Variants in GCN1 observed in about 807,000 individuals in gnomAD.
GCN1 encodes the protein stalled ribosome sensor GCN1.
GCN1 carries 90 observed loss-of-function variants against 288.4 expected under a neutral mutation model. That is an observed-to-expected ratio of 0.31 (90% CI 0.26 to 0.37). GCN1 has a LOEUF of 0.37. GCN1 is among the 10% of genes least tolerant of loss of function. The probability of loss-of-function intolerance (pLI) is 1.00; values close to 1 mark genes in which losing one functional copy is unlikely to be tolerated. For missense variants in GCN1, 2,586 were observed against 3,419.9 expected (o/e 0.76, Z 6.08); for synonymous variants, 1,386 against 1,420.2 (o/e 0.98, Z 0.54).
chr12:120,193,002 C>T (rs925136936), intron 1 of GCN1, among the ~76,000 whole-genome samples: 5 of 152,056 alleles, frequency 3.3e-5, no homozygotes, highest in Admixed American at 2.6e-4. Context: ...TGCCATTGCA[C>T]TCCAGCCTGG....
At position 120,144,287 on chromosome 12, in the gene GCN1, T is replaced by C; in HGVS notation, c.5495+19A>G. 8 of 1,614,022 alleles carry C rather than the reference T, an allele frequency of 5.0e-6. No individual in the cohort carries two copies. Among genetic ancestry groups the C allele is most frequent in the Non-Finnish European group, 6.8e-6 (8 of 1,179,846 alleles). ...CACCACGCATCATCCCCACTGGGTCTTTCTGCCCAAGTTCTCACCTGATTC... is the reference window on the plus strand; with the variant it reads ...CACCACGCATCATCCCCACTGGGTCCTTCTGCCCAAGTTCTCACCTGATTC... On this transcript the variant is annotated intron_variant, in intron 42 of 57. Transcript: ENST00000300648. The surrounding 1 kb of genome is among the most constrained non-coding windows in gnomAD (Gnocchi z 4.7).
rs751187223 is a variant in GCN1, at chr12:120,138,884, G to C, written c.5995-28C>G. The C allele has an allele frequency of 3.8e-6, 6 of 1,579,966 alleles. No homozygotes were observed. In the South Asian group the frequency reaches 6.8e-5, roughly 18 times the overall value. ...GCAATGGCAAGCTACAACTGTACCA[G>C]ATGCAGGAAAGGCAAAGAAGGAGCA... On this transcript the variant is annotated intron_variant, in intron 45 of 57. Transcript: ENST00000300648.
At chr12:120,179,026 G>T in intron 5 of GCN1, 76 bp from the exon 6 acceptor site, 1 of 1,222,488 alleles carries the variant, frequency 8.2e-7, no homozygotes, top group Non-Finnish European at 1.2e-6. Flanking sequence ...AGCCTGTAAA[G>T]ACCTCCATCA....
chr12:120,142,619 T>G lies in GCN1; in HGVS notation c.5717A>C (p.His1906Pro). 1 of 1,613,990 alleles carries G rather than the reference T, an allele frequency of 6.2e-7. No homozygotes were observed. The highest frequency in any genetic ancestry group is 8.5e-7 in the Non-Finnish European group (1 of 1,180,006). The change falls in exon 44 of 58, where the codon CAT becomes CCT. Residue 1906 changes from histidine (H) to proline (P), a missense_variant. His to Pro is a moderately conservative substitution (Grantham distance 77). Around this residue, in one of 8 missense-constraint regions of GCN1, gnomAD observed 437 missense variants for 570.5 expected, o/e 0.77. Transcript: ENST00000300648. The surrounding 1 kb of genome is among the most constrained non-coding windows in gnomAD (Gnocchi z 4.9). Reference protein sequence around the residue: ...TQLVVRQASLHVWKIVVSNTP... With the variant: ...TQLVVRQASLPVWKIVVSNTP... ...ATTGGAGACAACAATCTTCCAGACA[T>G]GCAGGGACGCCTGCCGCACCACCAG...
At chr12:120,166,289 G>C (rs969673494) in intron 16 of GCN1, among the ~76,000 whole-genome samples, 2 of 151,298 alleles carry the variant, frequency 1.3e-5, no homozygotes, top group African/African-American at 4.9e-5. Flanking sequence ...TGTAGTCCCA[G>C]CTACTCAAAG....
intron 57 of GCN1, among the ~76,000 whole-genome samples, chr12:120,128,864 C>T (rs1362777059): frequency 8.3e-5 from 8 of 95,864 alleles, no homozygotes; most frequent in African/African-American, 1.9e-4. Flanking sequence ...TTTTTTGAGA[C>T]GGAGTCTCAC....
In GCN1 at chr12:120,155,444, A is replaced by T; in HGVS notation, c.3441-14T>A. 1.2e-6 allele frequency: 2 copies of T among 1,611,622 alleles called. No homozygotes were observed. The highest frequency in any genetic ancestry group is 1.7e-6 in the Non-Finnish European group (2 of 1,178,456). On this transcript the variant is annotated splice_polypyrimidine_tract_variant and intron_variant, in intron 29 of 57. Transcript: ENST00000300648. The surrounding 1 kb of genome is among the most constrained non-coding windows in gnomAD (Gnocchi z 4.9). ...ATTGACCAGAGCCTGTGGGAGATCC[A>T]AGGCAGGGGCTGCTTAGACAAAGAT...
At chr12:120,186,744 G>A (rs1208236977) in intron 2 of GCN1, among the ~76,000 whole-genome samples, 2 of 152,338 alleles carry the variant, frequency 1.3e-5, no homozygotes, top group East Asian at 3.9e-4. Flanking sequence ...AACACACACT[G>A]TGAGCTTACC....
intron 15 of GCN1, chr12:120,168,549 A>C: frequency 2.4e-6 from 1 of 417,332 alleles, no homozygotes; most frequent in East Asian, 4.6e-5. Context: ...ATTCCCATCC[A>C]CCCCAGGCGC....
At chr12:120,180,176 C>A (rs989264967) in intron 5 of GCN1, among the ~76,000 whole-genome samples, 6 of 151,708 alleles carry the variant, frequency 4.0e-5, no homozygotes, top group Admixed American at 3.9e-4. Flanking sequence ...TGTGGTGGCG[C>A]ATGCCTGTAA....
At chr12:120,183,041 C>G (rs145254375) in intron 5 of GCN1, among the ~76,000 whole-genome samples, 9 of 151,746 alleles carry the variant, frequency 5.9e-5, no homozygotes, top group African/African-American at 2.2e-4. Flanking sequence ...CACCTCCCAA[C>G]CTGGTGAGCA....
intron 37 of GCN1, among the ~76,000 whole-genome samples, chr12:120,147,619 G>A (rs1877403957): frequency 1.3e-5 from 2 of 152,176 alleles, no homozygotes; most frequent in Non-Finnish European, 2.9e-5. Context: ...ATGATATAAT[G>A]TATTTGTTAA....
chr12:120,145,104 C>T lies in GCN1; in HGVS notation c.5017-43G>A, dbSNP rs1412344280. The T allele has an allele frequency of 3.1e-6, 5 of 1,612,972 alleles. No individual in the cohort carries two copies. The African/African-American group carries it at 4.0e-5, about 13-fold the overall frequency. ...GCAGAGATGGTGTGAGAAGATGAGG[C>T]TCAAAACAAGGTAGCCACATGGGAG... On this transcript the variant is annotated intron_variant, in intron 39 of 57. Transcript: ENST00000300648.
At position 120,177,759 on chromosome 12, in the gene GCN1, A is replaced by G. The variant is rs530755956; in HGVS notation, c.661-7T>C. Reference sequence around the variant, plus strand: ...AAAAGTCCAGTAGGGCGCTCTAGAGAACACAAAGCTCTGGTTAGATCCTGA... The same window carrying G: ...AAAAGTCCAGTAGGGCGCTCTAGAGGACACAAAGCTCTGGTTAGATCCTGA... On this transcript the variant is annotated splice_polypyrimidine_tract_variant and splice_region_variant and intron_variant, in intron 7 of 57. Coordinates refer to ENST00000300648, the MANE Select transcript of GCN1 (RefSeq NM_006836.2). 1 of 1,603,622 alleles carries G rather than the reference A, an allele frequency of 6.2e-7. No homozygotes were observed. Among genetic ancestry groups the G allele is most frequent in the South Asian group, 1.1e-5 (1 of 90,866 alleles).
At chr12:120,152,654 C>T (rs965883406) in intron 33 of GCN1, among the ~76,000 whole-genome samples, 4 of 138,024 alleles carry the variant, frequency 2.9e-5, no homozygotes, top group African/African-American at 1.1e-4. Flanking sequence ...CACACACACA[C>T]ACACAAAATA....
intron 36 of GCN1, 72 bp from the exon 37 acceptor site, chr12:120,148,418 A>C (rs1007043272): frequency 2.3e-6 from 3 of 1,284,010 alleles, no homozygotes; most frequent in Non-Finnish European, 3.3e-6. Flanking sequence ...TGCTGGCTAC[A>C]TGAGCAAGGG....
intron 53 of GCN1, among the ~76,000 whole-genome samples, chr12:120,133,609 GA>G (rs912729949): frequency 2.6e-5 from 4 of 152,144 alleles, no homozygotes; most frequent in Non-Finnish European, 5.9e-5. Flanking sequence ...GCACCTCTGG[GA>G]TAGGCCCTTT....
chr12:120,142,460 A>C lies in GCN1; in HGVS notation c.5829+47T>G, dbSNP rs1429401715. On this transcript the variant is annotated intron_variant, in intron 44 of 57. Coordinates refer to ENST00000300648, the MANE Select transcript of GCN1 (RefSeq NM_006836.2). The surrounding 1 kb of genome is among the most constrained non-coding windows in gnomAD (Gnocchi z 4.9). ...CAGACCCAGCCTTCTAGGCTCTGAA[A>C]GGAGGCACTGGGGCTGCTGGTCCAA... 2.8e-6 allele frequency: 4 copies of C among 1,413,854 alleles called. No homozygotes were observed. In the African/African-American group the frequency reaches 5.6e-5, roughly 20 times the overall value. The allele number at this position is 1,413,854 out of a possible 1,614,324, so 87.6% of individuals were successfully genotyped here. A position where few individuals can be genotyped will look rare whatever the true frequency, so the allele number is the denominator to read the frequency against.
In GCN1 at chr12:120,163,065, C is replaced by T. The variant is rs377061160; in HGVS notation, c.2038+5G>A. The T allele has an allele frequency of 6.2e-6, 10 of 1,613,692 alleles. No individual in the cohort carries two copies. Among genetic ancestry groups the T allele is most frequent in the African/African-American group, 4.0e-5 (3 of 74,938 alleles). ...GGCTCTCCCACACCCACCGCAGCCA[C>T]GGACCTAAGGATGGGTGGTGGGAGA... is the stretch of plus-strand genomic sequence containing the variant. On this transcript the variant is annotated splice_donor_5th_base_variant and intron_variant, in intron 19 of 57. Coordinates refer to ENST00000300648, the MANE Select transcript of GCN1 (RefSeq NM_006836.2).
Sources: allele counts gnomAD v4.1 joint callset (sites outside exome capture counted in the v4.1 genomes callset), GRCh38; gene constraint gnomAD v4.1.1; regional missense constraint gnomAD v4.1.1; non-coding constraint Gnocchi (gnomAD v3.1); transcripts MANE v1.5; gene names NCBI Gene and HGNC (gene_info 2026-07-23, HGNC 2026-07-21).